The following ADARB2 variants were observed in gnomAD, a reference collection of about 807,000 sequenced individuals.
The protein encoded by ADARB2 is inactive double-stranded RNA-specific editase B2.
Under a neutral mutation model 62.2 loss-of-function variants are expected in ADARB2, and 25 were observed. That is an observed-to-expected ratio of 0.40 (90% CI 0.29 to 0.56). The LOEUF (loss-of-function observed/expected upper bound fraction) is 0.56, where lower values mean the gene tolerates loss of function less well. Ranked by LOEUF, ADARB2 falls within the 20% of genes least tolerant of loss-of-function variation. The pLI, the probability that ADARB2 is intolerant of heterozygous loss-of-function variation, is 0.43. For synonymous variants in ADARB2, 572 were observed against 500.8 expected, an observed-to-expected ratio of 1.14 and a Z score of -1.90; for missense variants, 1,071 against 1,077.4, an observed-to-expected ratio of 0.99 and a Z score of 0.08.
chr10:1,470,072 C>G (rs1336740572), intron 1 of ADARB2, among the ~76,000 whole-genome samples: 1 of 152,154 alleles, frequency 6.6e-6, no homozygotes, highest in Non-Finnish European at 1.5e-5. Flanking sequence ...AGCGACCTTC[C>G]AAGGTCATCC....
chr10:1,503,113 G>T (rs540182002), intron 1 of ADARB2, among the ~76,000 whole-genome samples: 9 of 152,210 alleles, frequency 5.9e-5, no homozygotes, highest in African/African-American at 2.2e-4. Flanking sequence ...ACTATTTAGA[G>T]CTTTACTCAG....
intron 8 of ADARB2, among the ~76,000 whole-genome samples, chr10:1,197,894 T>C (rs904081242): frequency 6.6e-6 from 1 of 152,230 alleles, no homozygotes; most frequent in Non-Finnish European, 1.5e-5. Flanking sequence ...CCTGTCAAAG[T>C]GGCTATTTCA....
At chr10:1,221,229 G>T (rs567523524) in intron 6 of ADARB2, among the ~76,000 whole-genome samples, 3 of 152,068 alleles carry the variant, frequency 2.0e-5, no homozygotes, top group African/African-American at 7.2e-5. Flanking sequence ...CCTGACTGCT[G>T]TGTCTACATA....
At chr10:1,421,233 T>C (rs1272516608) in intron 1 of ADARB2, among the ~76,000 whole-genome samples, 3 of 151,836 alleles carry the variant, frequency 2.0e-5, no homozygotes, top group Non-Finnish European at 4.4e-5. Context: ...CCTGTGCACC[T>C]GCCCGTCGGT....
At chr10:1,561,410 T>C (rs1832785201) in intron 1 of ADARB2, among the ~76,000 whole-genome samples, 1 of 152,250 alleles carries the variant, frequency 6.6e-6, no homozygotes, top group Non-Finnish European at 1.5e-5. Flanking sequence ...ATTGACTTCA[T>C]ACAGCATTCA....
chr10:1,304,495 G>A (rs1831607340), intron 3 of ADARB2, among the ~76,000 whole-genome samples: 1 of 152,142 alleles, frequency 6.6e-6, no homozygotes, highest in South Asian at 2.1e-4. Context: ...GGATACCCAG[G>A]AATTAAACTC....
intron 1 of ADARB2, among the ~76,000 whole-genome samples, chr10:1,606,688 A>C (rs1833498095): frequency 6.6e-6 from 1 of 151,726 alleles, no homozygotes; most frequent in African/African-American, 2.4e-5. Flanking sequence ...AGTAGAAGGG[A>C]CTCTATGGGA....
chr10:1,464,777 G>A (rs1343993297), intron 1 of ADARB2, among the ~76,000 whole-genome samples: 2 of 148,684 alleles, frequency 1.3e-5, no homozygotes, highest in East Asian at 3.9e-4. Flanking sequence ...GCAGCGTGCT[G>A]GAGAAGAGGG....
chr10:1,310,273 C>T (rs1408034928), intron 3 of ADARB2, among the ~76,000 whole-genome samples: 3 of 152,200 alleles, frequency 2.0e-5, no homozygotes, highest in Non-Finnish European at 4.4e-5. Flanking sequence ...GAGAGACACT[C>T]CCAGATGTTA....
At chr10:1,479,073 G>A (rs1305924169) in intron 1 of ADARB2, among the ~76,000 whole-genome samples, 1 of 152,188 alleles carries the variant, frequency 6.6e-6, no homozygotes, top group Non-Finnish European at 1.5e-5. Flanking sequence ...TTGGGCAGGG[G>A]CAGCATAGGT....
intron 1 of ADARB2, among the ~76,000 whole-genome samples, chr10:1,490,771 A>G (rs920536859): frequency 3.9e-5 from 6 of 152,158 alleles, no homozygotes; most frequent in Non-Finnish European, 8.8e-5. Context: ...TGTTTTTTTA[A>G]ATAAGCCGTT....
At chr10:1,596,046 G>T (rs1180368346) in intron 1 of ADARB2, among the ~76,000 whole-genome samples, 1 of 152,202 alleles carries the variant, frequency 6.6e-6, no homozygotes, top group African/African-American at 2.4e-5. Context: ...TTCATGACTT[G>T]TTCACAGAAA....
chr10:1,503,658 G>A (rs1215042294), intron 1 of ADARB2, among the ~76,000 whole-genome samples: 2 of 152,134 alleles, frequency 1.3e-5, no homozygotes, highest in Admixed American at 6.5e-5. Context: ...CAGTGTTAGA[G>A]GTGGGGCTTG....
At chr10:1,227,981 CATT>C (rs1422573272) in intron 6 of ADARB2, among the ~76,000 whole-genome samples, 1 of 152,182 alleles carries the variant, frequency 6.6e-6, no homozygotes, top group Non-Finnish European at 1.5e-5. Context: ...CATTAAAATT[CATT>C]ATCCTGCAAT....
intron 1 of ADARB2, chr10:1,526,818 G>A (rs762899912): frequency 1.9e-6 from 1 of 516,930 alleles, no homozygotes; most frequent in Non-Finnish European, 4.0e-6. Flanking sequence ...CCTGACTCAC[G>A]CACTTGGTGC....
At chr10:1,350,399 G>A (rs1045386929) in intron 3 of ADARB2, among the ~76,000 whole-genome samples, 4 of 151,596 alleles carry the variant, frequency 2.6e-5, no homozygotes, top group Non-Finnish European at 4.4e-5. Flanking sequence ...GCTGCTCCTC[G>A]CCAGACCGAG....
At chr10:1,685,075 C>T (rs553943612) in intron 1 of ADARB2, among the ~76,000 whole-genome samples, 98 of 152,266 alleles carry the variant, frequency 6.4e-4, no homozygotes, top group Non-Finnish European at 1.2e-3. Context: ...CCGGACAGGA[C>T]CATGTCGAGT....
At chr10:1,581,578 G>A (rs753944639) in intron 1 of ADARB2, among the ~76,000 whole-genome samples, 1 of 152,194 alleles carries the variant, frequency 6.6e-6, no homozygotes, top group African/African-American at 2.4e-5. Context: ...TACCACAGGG[G>A]TAGGTCTAGA....
intron 2 of ADARB2, among the ~76,000 whole-genome samples, chr10:1,370,501 G>A (rs1832359798): frequency 6.6e-6 from 1 of 152,218 alleles, no homozygotes; most frequent in South Asian, 2.1e-4. Context: ...AAAAGAGGAA[G>A]TGAAACTATC....
Sources: allele counts gnomAD v4.1 joint callset (sites outside exome capture counted in the v4.1 genomes callset), GRCh38; gene constraint gnomAD v4.1.1; transcripts MANE v1.5; gene names NCBI Gene and HGNC (gene_info 2026-07-23, HGNC 2026-07-21).